The following DNAJC13 variants were observed in gnomAD, a reference collection of about 807,000 sequenced individuals.
DNAJC13 encodes the protein DnaJ heat shock protein family (Hsp40) member C13.
A neutral mutation model predicts 290.5 loss-of-function variants in DNAJC13; 75 were observed. The observed-to-expected ratio is 0.26, with a 90% CI of 0.21 to 0.31. The LOEUF is 0.31. Ranked by LOEUF, DNAJC13 falls within the 10% of genes least tolerant of loss-of-function variation. The pLI is 1.00. For missense variants in DNAJC13, 2,260 were observed against 2,674.5 expected, an observed-to-expected ratio of 0.85 and a Z score of 3.42; for synonymous variants, 862 against 892.0, an observed-to-expected ratio of 0.97 and a Z score of 0.60.
chr3:132,487,337 A>G (rs1335834568), intron 29 of DNAJC13, among the ~76,000 whole-genome samples: 1 of 151,752 alleles, frequency 6.6e-6, no homozygotes, highest in East Asian at 1.9e-4. Flanking sequence ...GCTCACTGCA[A>G]CCTCCGCCTC....
intron 44 of DNAJC13, among the ~76,000 whole-genome samples, chr3:132,512,425 GTA>G (rs1344015222): frequency 1.3e-5 from 2 of 152,130 alleles, no homozygotes; most frequent in Non-Finnish European, 2.9e-5. Context: ...AAATTACACT[GTA>G]TGTTTTACTA....
intron 20 of DNAJC13, among the ~76,000 whole-genome samples, chr3:132,472,843 CTA>C (rs1038999056): frequency 1.3e-5 from 2 of 152,108 alleles, no homozygotes; most frequent in African/African-American, 4.8e-5. Context: ...CTGTTTTTGA[CTA>C]TTTTAAATTT....
chr3:132,492,466 C>G lies in DNAJC13; in HGVS notation c.3676C>G (p.Leu1226Val). The change falls in exon 33 of 56, where the codon CTT (leucine) becomes GTT (valine). Residue 1226 changes from leucine to valine, a missense_variant. Around this residue, in one of 3 missense-constraint regions of DNAJC13, gnomAD observed 1,494 missense variants for 1,693.7 expected, o/e 0.88. Transcript: ENST00000260818. ...CCATCTCGCGGATTTCACACCTCGT[C>G]TTCAGAGTAACACAAGAGCACTTTA... ...AAHLADFTPR[L>V]QSNTRALYQY... 1.2e-6 allele frequency: 2 copies of G among 1,613,876 alleles called. No homozygotes were observed. Among genetic ancestry groups the G allele is most frequent in the African/African-American group, 1.3e-5 (1 of 75,004 alleles).
Position 132,454,160 on chromosome 3 carries a change from ATT to A in DNAJC13, c.932+15_932+16del, listed in dbSNP as rs57786343. 4.2e-4 allele frequency: 546 copies of A among 1,311,754 alleles called. No homozygotes were observed. The highest frequency in any genetic ancestry group is 1.2e-3 in the Admixed American group (53 of 45,014). 81.3% of individuals were successfully genotyped at this position (1,311,754 alleles called of 1,614,324 possible). Reference sequence around the variant, plus strand: ...CGGAAATATTCTTCAACAGAGAGGTATTTTTTTTTTTTTAAGTTTTTGAAATC... The same window carrying A: ...CGGAAATATTCTTCAACAGAGAGGTATTTTTTTTTTTAAGTTTTTGAAATC... On this transcript the variant is annotated splice_donor_5th_base_variant and intron_variant, in intron 9 of 55. Transcript: ENST00000260818.
intron 15 of DNAJC13, among the ~76,000 whole-genome samples, chr3:132,461,990 G>T (rs1933813915): frequency 6.6e-6 from 1 of 152,088 alleles, no homozygotes; most frequent in South Asian, 2.1e-4. Context: ...ACCACACCTG[G>T]CCTCCATTTT....
At chr3:132,529,445 C>T (rs1180554421) in intron 54 of DNAJC13, among the ~76,000 whole-genome samples, 1 of 152,122 alleles carries the variant, frequency 6.6e-6, no homozygotes, top group East Asian at 1.9e-4. Flanking sequence ...AGTAAAGAAA[C>T]ATTTTTCATA....
At chr3:132,534,372 C>T (rs1444437348) in intron 55 of DNAJC13, among the ~76,000 whole-genome samples, 5 of 152,184 alleles carry the variant, frequency 3.3e-5, no homozygotes, top group African/African-American at 1.2e-4. Context: ...AAAGGACCAA[C>T]TTGCCAGGTG....
rs113177823 is a variant in DNAJC13 at position 132,498,859 on chromosome 3, G to A, written c.4157-267G>A. Reference sequence around the variant, plus strand: ...GCCTCCCGAGTAGCTGGGACTACAGGTGCCTGCCACCACACCCGGCTAACT... The same window carrying A: ...GCCTCCCGAGTAGCTGGGACTACAGATGCCTGCCACCACACCCGGCTAACT... On this transcript the variant is annotated intron_variant, in intron 36 of 55. Transcript: ENST00000260818. Among the ~76,000 whole-genome samples, 5,697 of 152,066 alleles carry A rather than the reference G, an allele frequency of 0.037. 152 individuals carry two copies. Among genetic ancestry groups the A allele is most frequent in the South Asian group, 0.061 (295 of 4,814 alleles).
chr3:132,467,528 C>T (rs547024601), intron 20 of DNAJC13, among the ~76,000 whole-genome samples: 5 of 152,206 alleles, frequency 3.3e-5, no homozygotes, highest in East Asian at 3.9e-4. Context: ...TGCAGTGGAG[C>T]GATCTCGTCT....
intron 20 of DNAJC13, 77 bp from the exon 21 acceptor site, chr3:132,473,068 G>A (rs1467296322): frequency 6.6e-6 from 6 of 908,914 alleles, no homozygotes; most frequent in South Asian, 6.1e-5. Flanking sequence ...TTCTCATCAC[G>A]TATAAATTGA....
chr3:132,421,399 A>T (rs1938954896), intron 1 of DNAJC13, among the ~76,000 whole-genome samples: 1 of 152,242 alleles, frequency 6.6e-6, no homozygotes, highest in Admixed American at 6.5e-5. Context: ...AAGTATGATT[A>T]TACCAAAATA....
intron 21 of DNAJC13, among the ~76,000 whole-genome samples, chr3:132,473,653 A>G (rs935182970): frequency 6.6e-6 from 1 of 151,810 alleles, no homozygotes; most frequent in South Asian, 2.1e-4. Flanking sequence ...TTATCTACCA[A>G]TCTCACCCTT....
chr3:132,482,315 G>T lies in DNAJC13; in HGVS notation c.2964G>T (p.Pro988=), dbSNP rs139774701. The change falls in exon 27 of 56, where the codon CCG becomes CCT. Residue 988 remains proline, a synonymous_variant. Coordinates refer to ENST00000260818, the MANE Select transcript of DNAJC13 (RefSeq NM_015268.4). ...ACGCAGACAAAGAAAGGAGTGGCCC[G>T]TATGGATTTCATGAGGTATGTATCT... ...FGNADKERSG[P]YGFHEMQELW... is the part of the protein sequence containing the mutation. 1.5e-5 allele frequency: 24 copies of T among 1,613,300 alleles called. No homozygotes were observed. The highest frequency in any genetic ancestry group is 2.0e-5 in the Non-Finnish European group (24 of 1,179,430).
At chr3:132,502,161 A>G (rs1935435208) in intron 39 of DNAJC13, 128 bp from the exon 40 acceptor site, 1 of 721,906 alleles carries the variant, frequency 1.4e-6, no homozygotes, top group Non-Finnish European at 2.1e-6. Flanking sequence ...TGAAAATGTA[A>G]GAAGAGGTAA....
chr3:132,485,352 CTG>C (rs1420399972), intron 29 of DNAJC13, among the ~76,000 whole-genome samples: 1 of 152,036 alleles, frequency 6.6e-6, no homozygotes, highest in African/African-American at 2.4e-5. Flanking sequence ...GTTGACCAGG[CTG>C]TTCTCAAACT....
At chr3:132,473,053 A>G (rs1446660376) in intron 20 of DNAJC13, 92 bp from the exon 21 acceptor site, 1 of 812,524 alleles carries the variant, frequency 1.2e-6, no homozygotes, top group Non-Finnish European at 2.0e-6. Context: ...TGATGAAAGA[A>G]ATGTTTCTCA....
intron 4 of DNAJC13, 150 bp downstream of exon 4, chr3:132,447,620 C>T (rs1264849981): frequency 1.8e-5 from 16 of 877,582 alleles, no homozygotes; most frequent in African/African-American, 3.6e-5. Flanking sequence ...CCCTGTGAAA[C>T]GTTCACTTTT....
intron 54 of DNAJC13, among the ~76,000 whole-genome samples, chr3:132,530,135 C>T (rs192187088): frequency 1.9e-3 from 291 of 152,272 alleles, no homozygotes; most frequent in Non-Finnish European, 2.7e-3. Context: ...GCTTCTTTCC[C>T]GGGTTGGAGC....
chr3:132,421,708 G>A (rs1938964223), intron 1 of DNAJC13, among the ~76,000 whole-genome samples: 1 of 151,916 alleles, frequency 6.6e-6, no homozygotes, highest in Non-Finnish European at 1.5e-5. Context: ...CCAAAGTGCT[G>A]GGATTACAGG....
Sources: allele counts gnomAD v4.1 joint callset (sites outside exome capture counted in the v4.1 genomes callset), GRCh38; gene constraint gnomAD v4.1.1; regional missense constraint gnomAD v4.1.1; transcripts MANE v1.5; gene names NCBI Gene and HGNC (gene_info 2026-07-23, HGNC 2026-07-21).